The following GLRA2 variants were observed in gnomAD, a reference collection of about 807,000 sequenced individuals.
GLRA2 encodes the protein glycine receptor subunit alpha-2.
Under a neutral mutation model 31.6 loss-of-function variants are expected in GLRA2, and 11 were observed. The observed-to-expected ratio is 0.35, with a 90% CI of 0.22 to 0.58. The LOEUF (loss-of-function observed/expected upper bound fraction) is 0.58, where lower values mean the gene tolerates loss of function less well. GLRA2 is among the 20% of genes least tolerant of loss of function. The probability of loss-of-function intolerance (pLI) is 0.84; values close to 1 mark genes in which losing one functional copy is unlikely to be tolerated. For missense variants in GLRA2, 212 were observed against 351.8 expected (o/e 0.60, Z 3.18); for synonymous variants, 132 against 134.0 (o/e 0.99, Z 0.10).
At chrX:14,501,088 AG>A in the GLRA2 span, among the ~76,000 whole-genome samples, 2 of 109,799 alleles carry the variant, frequency 1.8e-5, no homozygotes, top group Non-Finnish European at 3.8e-5. Context: ...AAAAAAAAAA[AG>A]ATTTATCCTA....
intron 7 of GLRA2, among the ~76,000 whole-genome samples, chrX:14,640,856 A>G (rs2090764842): frequency 9.0e-6 from 1 of 110,968 alleles, no homozygotes; most frequent in South Asian, 3.8e-4. Flanking sequence ...GGACATATGC[A>G]CACGTTTATC....
chrX:14,498,141 A>C, the GLRA2 span, among the ~76,000 whole-genome samples: 1 of 111,183 alleles, frequency 9.0e-6, no homozygotes, highest in African/African-American at 3.3e-5. Context: ...AAAAAACAAA[A>C]AAAAAACCAA....
At chrX:14,583,687 C>T (rs750388708) in intron 4 of GLRA2, among the ~76,000 whole-genome samples, 14 of 111,590 alleles carry the variant, frequency 1.3e-4, no homozygotes, top group African/African-American at 9.8e-5. Context: ...TGCAGTGAGC[C>T]GAGATAGTGC....
intron 7 of GLRA2, among the ~76,000 whole-genome samples, chrX:14,657,515 C>T (rs1468091127): frequency 8.9e-6 from 1 of 112,553 alleles, no homozygotes; most frequent in African/African-American, 3.2e-5. Context: ...AGAGCCAGCC[C>T]TCTGGGCATG....
At chrX:14,594,927 C>G (rs1020205239) in intron 4 of GLRA2, among the ~76,000 whole-genome samples, 5 of 87,732 alleles carry the variant, frequency 5.7e-5, no homozygotes, top group Non-Finnish European at 8.8e-5. Context: ...CCTCTACATC[C>G]CAAGGTCAAC....
the GLRA2 span, among the ~76,000 whole-genome samples, chrX:14,506,674 C>T: frequency 9.0e-6 from 1 of 111,371 alleles, no homozygotes; most frequent in African/African-American, 3.3e-5. Context: ...GCTATGCTTC[C>T]CTGTGAAAAG....
the GLRA2 span, among the ~76,000 whole-genome samples, chrX:14,460,493 A>T: frequency 9.3e-3 from 1,037 of 111,931 alleles, 8 homozygotes; most frequent in South Asian, 0.016. Flanking sequence ...CTGTGCATCC[A>T]TCTGGTCCTG....
At chrX:14,504,997 T>C in the GLRA2 span, among the ~76,000 whole-genome samples, 1 of 111,895 alleles carries the variant, frequency 8.9e-6, no homozygotes, top group Non-Finnish European at 1.9e-5. Flanking sequence ...AGCAGTTACT[T>C]CAATTCACAT....
intron 7 of GLRA2, among the ~76,000 whole-genome samples, chrX:14,683,505 C>T (rs1469395947): frequency 9.0e-6 from 1 of 111,071 alleles, no homozygotes; most frequent in Non-Finnish European, 1.9e-5. Flanking sequence ...GTTGCCTGTT[C>T]ACTCTGATGG....
At chrX:14,596,308 A>G (rs1242554374) in intron 4 of GLRA2, among the ~76,000 whole-genome samples, 1 of 111,087 alleles carries the variant, frequency 9.0e-6, no homozygotes, top group Non-Finnish European at 1.9e-5. Flanking sequence ...CTTCTTCTCT[A>G]TCTTACCTAG....
At chrX:14,570,966 AT>A (rs2089873927) in intron 2 of GLRA2, among the ~76,000 whole-genome samples, 1 of 110,637 alleles carries the variant, frequency 9.0e-6, no homozygotes, top group African/African-American at 3.3e-5. Context: ...TTATATTTGG[AT>A]TGCATACTTG....
chrX:14,590,443 A>G (rs3027362), intron 4 of GLRA2, among the ~76,000 whole-genome samples: 44,078 of 110,923 alleles, frequency 0.4, 7,877 homozygotes, highest in African/African-American at 0.71. Flanking sequence ...GACTCATCCT[A>G]TAGTCTGATG....
intron 8 of GLRA2, among the ~76,000 whole-genome samples, chrX:14,696,469 C>G (rs1437624088): frequency 9.0e-6 from 1 of 111,712 alleles, no homozygotes; most frequent in African/African-American, 3.3e-5. Context: ...GACAGCAAGG[C>G]AGTCCAGGAA....
At chrX:14,572,751 AT>A (rs1402949556) in intron 2 of GLRA2, among the ~76,000 whole-genome samples, 1 of 111,839 alleles carries the variant, frequency 8.9e-6, no homozygotes, top group Non-Finnish European at 1.9e-5. Flanking sequence ...CTACAAATAT[AT>A]TTTTTAAAAT....
intron 3 of GLRA2, chrX:14,574,621 C>A: frequency 1.2e-6 from 1 of 852,059 alleles, no homozygotes; most frequent in Non-Finnish European, 1.8e-6. Context: ...TTGAAGTGCA[C>A]TGTGGCATAT....
In GLRA2 at chrX:14,548,751, C is replaced by T. The variant is rs751345559; in HGVS notation, c.202+16379C>T. 1.1e-4 allele frequency among the ~76,000 whole-genome samples: 12 copies of T among 111,731 alleles called. No individual in the cohort carries two copies. The South Asian group carries it at 3.0e-3, about 28-fold the overall frequency. ...AGTGTTCAGTAAATAAAACCAAAGG[C>T]GCATAAATCATACATGTTGATAATA... On this transcript the variant is annotated intron_variant, in intron 2 of 8. Coordinates refer to ENST00000218075, the MANE Select transcript of GLRA2 (RefSeq NM_002063.4).
intron 8 of GLRA2, among the ~76,000 whole-genome samples, chrX:14,695,062 G>A (rs1389213540): frequency 5.4e-5 from 6 of 111,286 alleles, no homozygotes; most frequent in Non-Finnish European, 1.9e-5. Flanking sequence ...TCAAGAAAGG[G>A]ATAAAATCTG....
intron 2 of GLRA2, among the ~76,000 whole-genome samples, chrX:14,533,842 A>T (rs3027318): frequency 0.2 from 21,930 of 110,601 alleles, 2,170 homozygotes; most frequent in Non-Finnish European, 0.31. Flanking sequence ...TACCATTAGG[A>T]AATACAGGTA....
At chrX:14,570,914 C>G (rs1213856443) in intron 2 of GLRA2, among the ~76,000 whole-genome samples, 1 of 110,929 alleles carries the variant, frequency 9.0e-6, no homozygotes, top group Non-Finnish European at 1.9e-5. Flanking sequence ...ATTATTTTTT[C>G]AAATACATTT....
Sources: allele counts gnomAD v4.1 joint callset (sites outside exome capture counted in the v4.1 genomes callset), GRCh38; gene constraint gnomAD v4.1.1; transcripts MANE v1.5; gene names NCBI Gene and HGNC (gene_info 2026-07-23, HGNC 2026-07-21).